SLC8A1: variants seen among roughly 807,000 people sequenced by gnomAD.
The protein encoded by SLC8A1 is solute carrier family 8 member A1.
Under a neutral mutation model 68.3 loss-of-function variants are expected in SLC8A1, and 18 were observed. The ratio of observed to expected loss-of-function variants is 0.26; its 90% CI spans 0.18 to 0.39. The LOEUF is 0.39. SLC8A1 is among the 10% of genes least tolerant of loss of function. The pLI, the probability that SLC8A1 is intolerant of heterozygous loss-of-function variation, is 1.00. For missense variants in SLC8A1, 985 were observed against 1,156.7 expected (o/e 0.85, Z 2.15); for synonymous variants, 475 against 415.5 (o/e 1.14, Z -1.74).
At chr2:40,316,191 T>C (rs1017660544) in intron 2 of SLC8A1, among the ~76,000 whole-genome samples, 5 of 152,116 alleles carry the variant, frequency 3.3e-5, no homozygotes, top group Admixed American at 6.6e-5. Context: ...ATTTGGTTTA[T>C]AAGCCTGGAT....
At chr2:40,191,105 T>C (rs1286836688) in intron 2 of SLC8A1, among the ~76,000 whole-genome samples, 1 of 152,166 alleles carries the variant, frequency 6.6e-6, no homozygotes, top group Non-Finnish European at 1.5e-5. Flanking sequence ...ACTCCTTGAA[T>C]GTCTAATCCC....
intron 2 of SLC8A1, among the ~76,000 whole-genome samples, chr2:40,242,107 G>A (rs578211710): frequency 1.3e-5 from 2 of 152,016 alleles, no homozygotes; most frequent in East Asian, 1.9e-4. Flanking sequence ...AAGTGGTAAC[G>A]CCTTACAATT....
intron 2 of SLC8A1, among the ~76,000 whole-genome samples, chr2:40,192,585 G>A (rs1341705283): frequency 1.3e-5 from 2 of 152,060 alleles, no homozygotes; most frequent in African/African-American, 2.4e-5. Flanking sequence ...CATCTCAAGG[G>A]TGGGTCTATG....
At chr2:40,300,140 T>C (rs2071178835) in intron 2 of SLC8A1, among the ~76,000 whole-genome samples, 1 of 152,218 alleles carries the variant, frequency 6.6e-6, no homozygotes. Context: ...TGAAGATCTA[T>C]GCTGCTTGCT....
At chr2:40,456,449 T>C (rs924553683), upstream of SLC8A1, among the ~76,000 whole-genome samples, 6 of 152,124 alleles carry the variant, frequency 3.9e-5, no homozygotes, top group Non-Finnish European at 8.8e-5. Flanking sequence ...GGTAACTCAA[T>C]GGCAGAATCA....
intron 2 of SLC8A1, among the ~76,000 whole-genome samples, chr2:40,335,525 TA>T (rs1271992245): frequency 7.9e-5 from 12 of 152,256 alleles, no homozygotes; most frequent in African/African-American, 2.9e-4. Flanking sequence ...ACTGACTTAA[TA>T]AACTAACTTC....
chr2:40,143,478 G>A (rs1198757865), intron 6 of SLC8A1, among the ~76,000 whole-genome samples: 2 of 152,158 alleles, frequency 1.3e-5, no homozygotes, highest in African/African-American at 4.8e-5. Flanking sequence ...TGCTTTTATA[G>A]AATCCCAAGT....
chr2:40,236,588 TA>T (rs1360596541), intron 2 of SLC8A1, among the ~76,000 whole-genome samples: 2 of 150,316 alleles, frequency 1.3e-5, no homozygotes, highest in African/African-American at 4.9e-5. Flanking sequence ...TTGGAGCATT[TA>T]GTCCATTTAC....
At chr2:40,447,704 T>C (rs1188313786) in intron 1 of SLC8A1, among the ~76,000 whole-genome samples, 1 of 152,210 alleles carries the variant, frequency 6.6e-6, no homozygotes, top group African/African-American at 2.4e-5. Flanking sequence ...AATTCCTTTA[T>C]TCAAATGAAT....
rs140472442 is a variant in SLC8A1 at position 40,302,308 on chromosome 2, T to G, written c.1809-124453A>C. On this transcript the variant is annotated intron_variant, in intron 2 of 7. Coordinates refer to ENST00000406785, the Ensembl canonical transcript of SLC8A1. Reference sequence around the variant, plus strand: ...ATCCTCATAGCTTAGCTCCCATTTATGAGTGAGAACATATGATCTTTGGTT... The same window carrying G: ...ATCCTCATAGCTTAGCTCCCATTTAGGAGTGAGAACATATGATCTTTGGTT... Among the ~76,000 whole-genome samples, 46 of 152,120 alleles carry G rather than the reference T, an allele frequency of 3.0e-4. 1 individual carries two copies. The East Asian group carries it at 8.9e-3, about 29-fold the overall frequency.
intron 2 of SLC8A1, among the ~76,000 whole-genome samples, chr2:40,235,210 C>T (rs1272892276): frequency 2.0e-5 from 3 of 151,946 alleles, no homozygotes; most frequent in Non-Finnish European, 2.9e-5. Flanking sequence ...TAGAATTTGG[C>T]TGTGAATCCA....
chr2:40,487,646 C>G (rs1012717073), intron 1 of SLC8A1, among the ~76,000 whole-genome samples: 3 of 152,160 alleles, frequency 2.0e-5, no homozygotes, highest in Admixed American at 1.3e-4. Flanking sequence ...AACAGCAGCT[C>G]TACCAAGATA....
chr2:40,109,767 T>C (rs1272169895), exon 8 of SLC8A1: 1 of 151,994 alleles, frequency 6.6e-6, no homozygotes. Context: ...ACTCTCCAAC[T>C]CTTTGAAAAA....
chr2:40,326,910 G>A (rs947254073), intron 2 of SLC8A1, among the ~76,000 whole-genome samples: 3 of 152,130 alleles, frequency 2.0e-5, no homozygotes, highest in Admixed American at 2.0e-4. Context: ...TTGATCCCAA[G>A]GTCAGGGCTC....
chr2:40,164,809 C>T (rs751836464), intron 5 of SLC8A1, 45 bp downstream of exon 8: 3 of 1,608,670 alleles, frequency 1.9e-6, no homozygotes, highest in African/African-American at 2.7e-5. Context: ...CAGTTTCTGT[C>T]CCAAGGTGAG....
intron 2 of SLC8A1, among the ~76,000 whole-genome samples, chr2:40,371,992 T>C (rs1008383830): frequency 9.2e-5 from 14 of 152,144 alleles, no homozygotes; most frequent in Admixed American, 3.9e-4. Context: ...TTATAAGCAT[T>C]GTTTATTCTC....
At chr2:40,102,886 A>T (rs1360788891) in exon 8 of SLC8A1, 2 of 152,214 alleles carry the variant, frequency 1.3e-5, no homozygotes, top group Non-Finnish European at 2.9e-5. Flanking sequence ...ATAGCTCTAT[A>T]TAGAAATTTA....
chr2:40,361,261 T>C lies in SLC8A1; in HGVS notation c.1808+67212A>G, dbSNP rs1044385345. Among the ~76,000 whole-genome samples, 5 of 152,114 alleles carry C rather than the reference T, an allele frequency of 3.3e-5. 1 individual carries two copies. In the South Asian group the frequency reaches 8.3e-4, roughly 25 times the overall value. On this transcript the variant is annotated intron_variant, in intron 2 of 7. Coordinates refer to ENST00000406785, the Ensembl canonical transcript of SLC8A1. Reference sequence around the variant, plus strand: ...GGAGTTCACATAATGAACAGGATGGTTACAACCAGACATCCAGGCATTTGA... The same window carrying C: ...GGAGTTCACATAATGAACAGGATGGCTACAACCAGACATCCAGGCATTTGA...
At chr2:40,337,127 A>T (rs181211890) in intron 2 of SLC8A1, among the ~76,000 whole-genome samples, 2 of 152,174 alleles carry the variant, frequency 1.3e-5, no homozygotes, top group Admixed American at 1.3e-4. Flanking sequence ...TAATTGTGTA[A>T]GCGTTTTAAC....
Sources: allele counts gnomAD v4.1 joint callset (sites outside exome capture counted in the v4.1 genomes callset), GRCh38; gene constraint gnomAD v4.1.1; transcripts MANE v1.5; gene names NCBI Gene and HGNC (gene_info 2026-07-23, HGNC 2026-07-21).